The following MORC3 variants were observed in gnomAD, a reference collection of about 807,000 sequenced individuals.
The protein encoded by MORC3 is MORC family CW-type zinc finger 3.
MORC3 carries 31 observed loss-of-function variants against 109.1 expected under a neutral mutation model. That is an observed-to-expected ratio of 0.28 (90% CI 0.21 to 0.38). The LOEUF is 0.38. Among genes scored for constraint, MORC3 ranks in the 10% least tolerant of loss-of-function variants. The probability of loss-of-function intolerance (pLI) is 1.00; values close to 1 mark genes in which losing one functional copy is unlikely to be tolerated. For synonymous variants in MORC3, 395 were observed against 380.7 expected (o/e 1.04, Z -0.44); for missense variants, 867 against 1,135.8 (o/e 0.76, Z 3.40).
rs780034917 is a variant in MORC3, at chr21:36,369,398, A to C, written c.2030A>C (p.Lys677Thr). ...ILPSCVEAEA[K>T]IHETQETTDK... is the part of the protein sequence containing the mutation. ...CCCTCCTGTGTAGAAGCTGAAGCAA[A>C]GATACATGAAACCCAGGAAACCACC... is the stretch of plus-strand genomic sequence containing the variant. Residue 677 changes from lysine to threonine, a missense_variant, in exon 15 of 17, where the codon AAG (lysine) becomes ACG (threonine). Physicochemically the swap from Lys to Thr is moderately conservative, Grantham distance 78. Transcript: ENST00000400485. The C allele has an allele frequency of 6.2e-6, 10 of 1,614,200 alleles. No individual in the cohort carries two copies. In the South Asian group the frequency reaches 1.1e-4, roughly 18 times the overall value.
At chr21:36,359,181 T>TA (rs1270150244) in intron 10 of MORC3, among the ~76,000 whole-genome samples, 1 of 152,074 alleles carries the variant, frequency 6.6e-6, no homozygotes, top group East Asian at 1.9e-4. Flanking sequence ...ACACTAAACA[T>TA]AAAGTTCAGG....
intron 8 of MORC3, among the ~76,000 whole-genome samples, chr21:36,347,015 AAAAAAAAAAAAC>A (rs1569098210): frequency 6.6e-6 from 1 of 150,716 alleles, no homozygotes; most frequent in African/African-American, 2.5e-5. Context: ...CTTAAAAAAA[AAAAAAAAAAAAC>A]AAAGAAATTG....
intron 1 of MORC3, among the ~76,000 whole-genome samples, chr21:36,321,729 TTC>T (rs1426371603): frequency 6.6e-6 from 1 of 152,066 alleles, no homozygotes; most frequent in Non-Finnish European, 1.5e-5. Context: ...CTTTCCCCAC[TTC>T]TCTCTCCTTC....
intron 5 of MORC3, 120 bp from the exon 6 acceptor site, chr21:36,341,279 A>G: frequency 2.2e-6 from 2 of 890,088 alleles, no homozygotes; most frequent in Non-Finnish European, 1.7e-6. Flanking sequence ...CCAACCCCCC[A>G]CTGACGTGCA....
intron 6 of MORC3, among the ~76,000 whole-genome samples, chr21:36,341,902 C>A (rs181474295): frequency 6.6e-6 from 1 of 152,164 alleles, no homozygotes; most frequent in Non-Finnish European, 1.5e-5. Flanking sequence ...CAGACTAATT[C>A]AAAAAACAAC....
chr21:36,329,294 CA>C (rs2085285717), intron 1 of MORC3, among the ~76,000 whole-genome samples: 1 of 143,082 alleles, frequency 7.0e-6, no homozygotes, highest in African/African-American at 2.6e-5. Context: ...GACTCCATCT[CA>C]AAAACAAAAA....
chr21:36,349,620 A>G (rs2146314782), intron 9 of MORC3, among the ~76,000 whole-genome samples: 1 of 152,384 alleles, frequency 6.6e-6, no homozygotes, highest in Admixed American at 6.5e-5. Flanking sequence ...CCATTTTCTT[A>G]AAGTTCGATA....
chr21:36,366,720 G>T lies in MORC3; in HGVS notation c.1620-2268G>T, dbSNP rs147461743. ...TCTGCCTGCCTCGGCCTCCCAAAGT[G>T]CTGGGATTACAGGCGTGAGCCACTT... On this transcript the variant is annotated intron_variant, in intron 14 of 16. Coordinates refer to ENST00000400485, the MANE Select transcript of MORC3 (RefSeq NM_015358.3). Among the ~76,000 whole-genome samples, 4 of 152,292 alleles carry T rather than the reference G, an allele frequency of 2.6e-5. No homozygotes were observed. The East Asian group carries it at 7.7e-4, about 29-fold the overall frequency.
At chr21:36,340,249 G>A (rs944869089) in intron 5 of MORC3, among the ~76,000 whole-genome samples, 5 of 149,434 alleles carry the variant, frequency 3.3e-5, no homozygotes, top group East Asian at 4.0e-4. Context: ...CTGCACTCCA[G>A]CCTGGGCGAA....
chr21:36,359,582 G>C (rs1306355631), intron 10 of MORC3, among the ~76,000 whole-genome samples: 1 of 29,816 alleles, frequency 3.4e-5, no homozygotes, highest in African/African-American at 1.0e-4. Flanking sequence ...TTTTTTTTTT[G>C]ACAGGATCTT....
chr21:36,339,501 CAAAAAAAAAAAA>C (rs55863855), intron 5 of MORC3: 2 of 101,486 alleles, frequency 2.0e-5, no homozygotes, highest in South Asian at 4.0e-4. Context: ...CCCGTCTTCT[CAAAAAAAAAAAA>C]AAAAAAAGAA....
intron 15 of MORC3, among the ~76,000 whole-genome samples, chr21:36,370,543 A>T (rs535003028): frequency 7.0e-6 from 1 of 143,068 alleles, no homozygotes; most frequent in Non-Finnish European, 1.5e-5. Context: ...TTTCTAGATT[A>T]TGTCTTTCAA....
At chr21:36,331,791 C>T (rs938779822) in intron 1 of MORC3, among the ~76,000 whole-genome samples, 1 of 152,058 alleles carries the variant, frequency 6.6e-6, no homozygotes, top group African/African-American at 2.4e-5. Context: ...TGTTGCATTG[C>T]GTTCAAACGA....
intron 1 of MORC3, among the ~76,000 whole-genome samples, chr21:36,329,850 CTTTT>C (rs915350501): frequency 1.3e-5 from 2 of 151,596 alleles, no homozygotes; most frequent in African/African-American, 2.4e-5. Context: ...TTTTTCTTTT[CTTTT>C]TTTGTTTTTT....
In MORC3 at chr21:36,369,498, A is replaced by G. The variant is rs945477291; in HGVS notation, c.2130A>G (p.Lys710=). ...AGCTACTCCTTGTCACTGAGGAAAAAGAGAATTATAAAAGACAGTGTCATA... is the reference window on the plus strand; with the variant it reads ...AGCTACTCCTTGTCACTGAGGAAAAGGAGAATTATAAAAGACAGTGTCATA... ...RNQLLLVTEE[K]ENYKRQCHMF... is the part of the protein sequence containing the mutation. Residue 710 remains lysine, a synonymous_variant, in exon 15 of 17, where the codon AAA becomes AAG. Coordinates refer to ENST00000400485, the MANE Select transcript of MORC3 (RefSeq NM_015358.3). 6.2e-7 allele frequency: 1 copy of G among 1,614,198 alleles called. No homozygotes were observed. The highest frequency in any genetic ancestry group is 8.5e-7 in the Non-Finnish European group (1 of 1,180,032).
intron 1 of MORC3, among the ~76,000 whole-genome samples, chr21:36,326,297 G>T (rs2085247374): frequency 6.6e-6 from 1 of 152,010 alleles, no homozygotes; most frequent in African/African-American, 2.4e-5. Context: ...GCTAAGGCGG[G>T]CAGATCACTT....
chr21:36,349,183 AAAAT>A (rs2085545050), intron 8 of MORC3, 124 bp from the exon 9 acceptor site: 1 of 678,198 alleles, frequency 1.5e-6, no homozygotes, highest in Non-Finnish European at 2.4e-6. Context: ...AATAAAAATA[AAAAT>A]AAATGTGATG....
rs781087891 is a variant in MORC3 at position 36,360,284 on chromosome 21, G to T, written c.1406+26G>T. The stretch of plus-strand genomic sequence containing the variant: ...GTGAGTGTTGTATTGATGTATAGTG[G>T]GTAATAATGCCCAGATCATGAACAG... On this transcript the variant is annotated intron_variant, in intron 12 of 16. Transcript: ENST00000400485. 3.1e-6 allele frequency: 5 copies of T among 1,587,888 alleles called. No homozygotes were observed. The Admixed American group carries it at 6.7e-5, about 21-fold the overall frequency.
chr21:36,328,289 A>G lies in MORC3; in HGVS notation c.40-5357A>G, dbSNP rs2085272519. On this transcript the variant is annotated intron_variant, in intron 1 of 16. Coordinates refer to ENST00000400485, the MANE Select transcript of MORC3 (RefSeq NM_015358.3). ...TTCCTGAAATCTTTGGTATTTCCTG[A>G]TAACTATGAGTGGAACATCTTTTGT... 2.0e-5 allele frequency among the ~76,000 whole-genome samples: 3 copies of G among 150,470 alleles called. No homozygotes were observed. In the South Asian group the frequency reaches 6.3e-4, roughly 32 times the overall value.
Sources: allele counts gnomAD v4.1 joint callset (sites outside exome capture counted in the v4.1 genomes callset), GRCh38; gene constraint gnomAD v4.1.1; transcripts MANE v1.5; gene names NCBI Gene and HGNC (gene_info 2026-07-23, HGNC 2026-07-21).